ELMO1: variants seen among roughly 807,000 people sequenced by gnomAD.
ELMO1 encodes engulfment and cell motility 1.
ELMO1 carries 26 observed loss-of-function variants against 98.9 expected under a neutral mutation model. That is an observed-to-expected ratio of 0.26 (90% CI 0.19 to 0.36). ELMO1 has a LOEUF of 0.36. Among genes scored for constraint, ELMO1 ranks in the 10% least tolerant of loss-of-function variants. The probability of loss-of-function intolerance (pLI) is 1.00; values close to 1 mark genes in which losing one functional copy is unlikely to be tolerated. For synonymous variants in ELMO1, 346 were observed against 346.0 expected (o/e 1.00, Z 0.00); for missense variants, 627 against 935.2 (o/e 0.67, Z 4.30).
chr7:36,932,372 T>C (rs1261388327), intron 16 of ELMO1, among the ~76,000 whole-genome samples: 1 of 152,164 alleles, frequency 6.6e-6, no homozygotes, highest in African/African-American at 2.4e-5. Flanking sequence ...TCCAGTTTCA[T>C]GAATGGAGAA....
intron 18 of ELMO1, among the ~76,000 whole-genome samples, chr7:36,878,732 T>A (rs183640488): frequency 2.0e-5 from 3 of 152,342 alleles, no homozygotes; most frequent in African/African-American, 7.2e-5. Context: ...ATCATTCTCC[T>A]CTCCAATTCC....
intron 1 of ELMO1, chr7:37,435,345 C>T (rs1172844159): frequency 2.0e-5 from 3 of 152,248 alleles, no homozygotes; most frequent in African/African-American, 7.2e-5. Context: ...GCAGTCTCTT[C>T]CCAGCCAAGG....
At chr7:37,112,371 G>C (rs1386068127) in intron 14 of ELMO1, among the ~76,000 whole-genome samples, 1 of 152,096 alleles carries the variant, frequency 6.6e-6, no homozygotes, top group Non-Finnish European at 1.5e-5. Context: ...GGGATAAGTG[G>C]GCAAGCAGGG....
chr7:37,196,700 G>C (rs1354164438), intron 13 of ELMO1, among the ~76,000 whole-genome samples: 1 of 152,194 alleles, frequency 6.6e-6, no homozygotes, highest in Non-Finnish European at 1.5e-5. Context: ...TAAACAACTT[G>C]AAAACAAAAA....
chr7:37,294,995 G>A (rs1394682127), intron 4 of ELMO1, among the ~76,000 whole-genome samples: 2 of 115,730 alleles, frequency 1.7e-5, no homozygotes, highest in African/African-American at 2.9e-5. Flanking sequence ...ACAAAACTCC[G>A]CCTCAAAAAA....
At chr7:36,951,918 T>C (rs1176656030) in intron 16 of ELMO1, among the ~76,000 whole-genome samples, 2 of 152,200 alleles carry the variant, frequency 1.3e-5, no homozygotes, top group Non-Finnish European at 2.9e-5. Flanking sequence ...AGATGTTTAC[T>C]GAAGAATGAT....
At chr7:37,386,171 T>A (rs2131402046) in intron 1 of ELMO1, among the ~76,000 whole-genome samples, 1 of 152,308 alleles carries the variant, frequency 6.6e-6, no homozygotes, top group East Asian at 1.9e-4. Flanking sequence ...TCAACAAATG[T>A]GTTTTCTTTG....
At chr7:36,885,520 G>A (rs550386261) in intron 18 of ELMO1, among the ~76,000 whole-genome samples, 18 of 152,298 alleles carry the variant, frequency 1.2e-4, no homozygotes, top group Non-Finnish European at 1.9e-4. Context: ...GAGGCAATGG[G>A]TGTCTATTTG....
At chr7:36,948,470 T>C (rs958762808) in intron 16 of ELMO1, among the ~76,000 whole-genome samples, 5 of 152,202 alleles carry the variant, frequency 3.3e-5, no homozygotes, top group South Asian at 2.1e-4. Context: ...ATTTCATCTC[T>C]CTTTTACAGA....
chr7:37,293,498 G>C (rs1312629956), intron 4 of ELMO1, among the ~76,000 whole-genome samples: 1 of 104,268 alleles, frequency 9.6e-6, no homozygotes, highest in African/African-American at 3.0e-5. Flanking sequence ...GTTGTGCTTT[G>C]TTAAACAGAT....
At chr7:37,009,229 C>T (rs1427664812) in intron 16 of ELMO1, among the ~76,000 whole-genome samples, 1 of 152,160 alleles carries the variant, frequency 6.6e-6, no homozygotes, top group East Asian at 1.9e-4. Flanking sequence ...TGCAGTTTAG[C>T]TCTTCTCTAA....
chr7:37,083,258 G>A (rs772021660), intron 15 of ELMO1, among the ~76,000 whole-genome samples: 4 of 152,174 alleles, frequency 2.6e-5, no homozygotes, highest in Non-Finnish European at 1.5e-5. Context: ...CCAAACTTGG[G>A]AGGGGGCCAT....
chr7:37,391,898 T>C (rs758629490), intron 1 of ELMO1, among the ~76,000 whole-genome samples: 2 of 152,152 alleles, frequency 1.3e-5, no homozygotes, highest in Middle Eastern at 3.2e-3. Context: ...GCAAAGCCTG[T>C]AGGGAAGTGT....
At chr7:37,241,784 T>A (rs950632979) in intron 7 of ELMO1, among the ~76,000 whole-genome samples, 6 of 152,148 alleles carry the variant, frequency 3.9e-5, no homozygotes, top group Non-Finnish European at 8.8e-5. Context: ...TATACCTCCA[T>A]CCTTTGTGCT....
At chr7:37,158,941 G>A (rs1480830296) in intron 13 of ELMO1, among the ~76,000 whole-genome samples, 3 of 152,180 alleles carry the variant, frequency 2.0e-5, no homozygotes, top group East Asian at 3.8e-4. Context: ...ATGAAAATGT[G>A]GCACGTATAC....
chr7:37,161,720 G>A (rs962713733), intron 13 of ELMO1, among the ~76,000 whole-genome samples: 1 of 150,644 alleles, frequency 6.6e-6, no homozygotes, highest in South Asian at 2.1e-4. Flanking sequence ...CAAAACTCAT[G>A]ACCCTAAACC....
At chr7:37,107,363 C>A (rs1411180745) in intron 14 of ELMO1, among the ~76,000 whole-genome samples, 2 of 152,148 alleles carry the variant, frequency 1.3e-5, no homozygotes, top group Non-Finnish European at 2.9e-5. Context: ...TTGAGTTCAA[C>A]CTTGAAGAAG....
At chr7:36,861,892 G>A in intron 20 of ELMO1, 156 bp from the exon 21 acceptor site, 11 of 676,400 alleles carry the variant, frequency 1.6e-5, no homozygotes, top group Non-Finnish European at 2.4e-5. Context: ...TGCTCTTCAA[G>A]GTTCACGGCA....
At chr7:37,135,317 A>G (rs1254099263) in intron 13 of ELMO1, among the ~76,000 whole-genome samples, 1 of 152,226 alleles carries the variant, frequency 6.6e-6, no homozygotes, top group Non-Finnish European at 1.5e-5. Flanking sequence ...GGAGACTTAC[A>G]TCATGAACTT....
Sources: gnomAD v4.1 joint callset for allele counts (sites outside exome capture counted in the v4.1 genomes callset) on GRCh38, gnomAD v4.1.1 for gene constraint, MANE v1.5 for transcripts, NCBI Gene and HGNC (gene_info 2026-07-23, HGNC 2026-07-21) for gene names.